TOLLIP: variants seen among roughly 807,000 people sequenced by gnomAD.
TOLLIP encodes the protein toll-interacting protein.
TOLLIP carries 16 observed loss-of-function variants against 33.5 expected under a neutral mutation model. The observed-to-expected ratio is 0.48, with a 90% CI of 0.32 to 0.72. The LOEUF (loss-of-function observed/expected upper bound fraction) is 0.72. TOLLIP is among the 30% of genes least tolerant of loss of function. The pLI, the probability that TOLLIP is intolerant of heterozygous loss-of-function variation, is 0.03. For missense variants in TOLLIP, 325 were observed against 396.6 expected, an observed-to-expected ratio of 0.82 and a Z score of 1.53; for synonymous variants, 176 against 163.7, an observed-to-expected ratio of 1.07 and a Z score of -0.57.
In TOLLIP at chr11:1,303,332, G is replaced by A. The variant is rs545221244; in HGVS notation, c.33+6134C>T. Among the ~76,000 whole-genome samples, 27 of 152,172 alleles carry A rather than the reference G, an allele frequency of 1.8e-4. No homozygotes were observed. The South Asian group carries it at 3.7e-3, about 21-fold the overall frequency. On this transcript the variant is annotated intron_variant, in intron 1 of 5. Coordinates refer to ENST00000317204, the MANE Select transcript of TOLLIP (RefSeq NM_019009.4). This position sits in a 1 kb window ranked among gnomAD's most constrained non-coding sequence, Gnocchi z 4.2. The stretch of plus-strand genomic sequence containing the variant: ...AAGCAGCAGGCCAAGGGCGGACAGA[G>A]ATCCAGAGAGGGACGGCATGTGACG...
At chr11:1,286,727 G>A (rs149350458) in intron 4 of TOLLIP, among the ~76,000 whole-genome samples, 2,190 of 151,916 alleles carry the variant, frequency 0.014, 47 homozygotes, top group Admixed American at 0.062. Context: ...ATAAGTCACT[G>A]CACTGCTGTC....
chr11:1,296,508 G>A (rs1358036123), intron 1 of TOLLIP, among the ~76,000 whole-genome samples: 1 of 152,254 alleles, frequency 6.6e-6, no homozygotes, highest in African/African-American at 2.4e-5. Flanking sequence ...GTGAAAGGTC[G>A]CTGATGAGGC....
At chr11:1,288,585 AC>A in intron 4 of TOLLIP, 38 bp downstream of exon 4, 1 of 1,578,524 alleles carries the variant, frequency 6.3e-7, no homozygotes. Context: ...GCTCCAACAT[AC>A]CCCAATGCGC....
intron 1 of TOLLIP, among the ~76,000 whole-genome samples, chr11:1,301,451 G>A (rs1182699179): frequency 6.9e-6 from 1 of 145,526 alleles, no homozygotes; most frequent in East Asian, 2.2e-4. Flanking sequence ...CATGTGTCGC[G>A]GGCTTCCGAG....
At chr11:1,282,325 C>T (rs771730262) in intron 5 of TOLLIP, among the ~76,000 whole-genome samples, 38 of 152,152 alleles carry the variant, frequency 2.5e-4, no homozygotes, top group Non-Finnish European at 4.4e-4. Flanking sequence ...GGATTCTGAC[C>T]CAAGGAAAAA....
chr11:1,278,527 G>C lies in TOLLIP; in HGVS notation c.611-1274C>G, dbSNP rs5744009. ...TGCCACCAAGCCTCCTGCACCTGCT[G>C]CAAAGGCCAGGACTCCTCAGCAAGG... is the stretch of plus-strand genomic sequence containing the variant. On this transcript the variant is annotated intron_variant, in intron 5 of 5. Coordinates refer to ENST00000317204, the MANE Select transcript of TOLLIP (RefSeq NM_019009.4). This position sits in a 1 kb window ranked among gnomAD's most constrained non-coding sequence, Gnocchi z 4.7. 0.021 allele frequency among the ~76,000 whole-genome samples: 3,249 copies of C among 152,194 alleles called. 47 individuals carry two copies. The highest frequency in any genetic ancestry group is 0.03 in the Non-Finnish European group (2,061 of 67,976).
At chr11:1,297,121 G>A (rs1022755459) in intron 1 of TOLLIP, among the ~76,000 whole-genome samples, 2 of 152,136 alleles carry the variant, frequency 1.3e-5, no homozygotes, top group African/African-American at 4.8e-5. Flanking sequence ...AATACCGAGT[G>A]GAACCTGGAA....
intron 1 of TOLLIP, among the ~76,000 whole-genome samples, chr11:1,297,212 C>T (rs1864138508): frequency 6.6e-6 from 1 of 152,174 alleles, no homozygotes; most frequent in East Asian, 1.9e-4. Context: ...ACACCAGAAA[C>T]CCGTACCTGC....
At chr11:1,288,131 G>A (rs938815037) in intron 4 of TOLLIP, among the ~76,000 whole-genome samples, 6 of 152,128 alleles carry the variant, frequency 3.9e-5, no homozygotes, top group Non-Finnish European at 7.4e-5. Context: ...GCCAGGCCTC[G>A]ACTTCCTGAC....
intron 1 of TOLLIP, among the ~76,000 whole-genome samples, chr11:1,306,621 C>T (rs1297209225): frequency 6.6e-6 from 1 of 152,124 alleles, no homozygotes; most frequent in African/African-American, 2.4e-5. Context: ...TGGGTAAAGG[C>T]CCACTATGGG....
chr11:1,287,433 C>T lies in TOLLIP; in HGVS notation c.519+1191G>A, dbSNP rs1223548399. Among the ~76,000 whole-genome samples, 31 of 110,680 alleles carry T rather than the reference C, an allele frequency of 2.8e-4. 9 individuals carry two copies. The highest frequency in any genetic ancestry group is 3.9e-4 in the Non-Finnish European group (20 of 50,862). The allele number at this position is 110,680 out of a possible 152,430, so 72.6% of individuals were successfully genotyped here. ...AGCCTCCCCGCCGCACCCTCCCCGC[C>T]GCAGCCTCCCCGCCGCACCCTCCCC... On this transcript the variant is annotated intron_variant, in intron 4 of 5. Coordinates refer to ENST00000317204, the MANE Select transcript of TOLLIP (RefSeq NM_019009.4).
chr11:1,292,335 C>G (rs1863977972), intron 2 of TOLLIP, among the ~76,000 whole-genome samples: 1 of 152,200 alleles, frequency 6.6e-6, no homozygotes, highest in Admixed American at 6.5e-5. Context: ...TGCCTAGCTG[C>G]TATGACTTAT....
At chr11:1,286,384 T>C (rs1365341510) in intron 4 of TOLLIP, among the ~76,000 whole-genome samples, 2 of 152,182 alleles carry the variant, frequency 1.3e-5, no homozygotes, top group Admixed American at 6.5e-5. Context: ...GACATCCCAG[T>C]GTAGGTGTCG....
intron 4 of TOLLIP, among the ~76,000 whole-genome samples, 178 bp from the exon 5 acceptor site, chr11:1,286,270 C>G (rs1166329083): frequency 1.3e-5 from 2 of 152,230 alleles, no homozygotes; most frequent in Non-Finnish European, 2.9e-5. Context: ...CTGGGCCCTG[C>G]TCCCACCCCT....
At chr11:1,282,545 C>T (rs1427939106) in intron 5 of TOLLIP, among the ~76,000 whole-genome samples, 3 of 151,778 alleles carry the variant, frequency 2.0e-5, no homozygotes, top group Non-Finnish European at 4.4e-5. Context: ...TCAATGGGTC[C>T]GGCACACCAA....
intron 2 of TOLLIP, among the ~76,000 whole-genome samples, chr11:1,294,021 G>A (rs1054700643): frequency 6.6e-6 from 1 of 152,384 alleles, no homozygotes; most frequent in African/African-American, 2.4e-5. Context: ...GGTCCACGGC[G>A]ATTCTTCTGC....
intron 1 of TOLLIP, among the ~76,000 whole-genome samples, chr11:1,298,751 G>A (rs1864183057): frequency 6.6e-6 from 1 of 152,244 alleles, no homozygotes; most frequent in Non-Finnish European, 1.5e-5. Context: ...CCCGGGGACC[G>A]CAGCCAGCGC....
intron 4 of TOLLIP, 107 bp from the exon 5 acceptor site, chr11:1,286,199 G>A (rs12278738): frequency 4.1e-4 from 342 of 829,240 alleles, no homozygotes; most frequent in Non-Finnish European, 5.3e-4. Flanking sequence ...GCCCAGAATC[G>A]CCCTCCCCAT....
chr11:1,277,996 G>A lies in TOLLIP; in HGVS notation c.611-743C>T, dbSNP rs574593234. On this transcript the variant is annotated intron_variant, in intron 5 of 5. Coordinates refer to ENST00000317204, the MANE Select transcript of TOLLIP (RefSeq NM_019009.4). This position sits in a 1 kb window ranked among gnomAD's most constrained non-coding sequence, Gnocchi z 4.2. ...GCATCTCCACCCCACAGCTACGCAG[G>A]CCCCTCGCCCCATGTCTGATGCGGG... Among the ~76,000 whole-genome samples, 166 of 152,262 alleles carry A rather than the reference G, an allele frequency of 1.1e-3. No homozygotes were observed. The highest frequency in any genetic ancestry group is 3.8e-3 in the African/African-American group (156 of 41,564).
Sources: allele counts gnomAD v4.1 joint callset (sites outside exome capture counted in the v4.1 genomes callset), GRCh38; gene constraint gnomAD v4.1.1; non-coding constraint Gnocchi (gnomAD v3.1); transcripts MANE v1.5; gene names NCBI Gene and HGNC (gene_info 2026-07-23, HGNC 2026-07-21).